Variants in CARMIL2 observed in about 807,000 individuals in gnomAD.
CARMIL2 encodes the protein capping protein, Arp2/3 and myosin-I linker protein 2.
CARMIL2 carries 96 observed loss-of-function variants against 173.3 expected under a neutral mutation model. That is an observed-to-expected ratio of 0.55 (90% CI 0.47 to 0.66). CARMIL2 has a LOEUF of 0.66. CARMIL2 is among the 30% of genes least tolerant of loss of function. The pLI is 0.00. For missense variants in CARMIL2, 1,771 were observed against 1,906.7 expected, an observed-to-expected ratio of 0.93 and a Z score of 1.33; for synonymous variants, 830 against 817.1, an observed-to-expected ratio of 1.02 and a Z score of -0.27.
rs2052739653 is a variant in CARMIL2 at position 67,652,232 on chromosome 16, A to G, written c.2710A>G (p.Met904Val). ...ESLAQQATVT[M>V]PPALPAPDGG... ...TCTGGCTCAGCAGGCAACAGTGACA[A>G]TGCCCCCTGCCCTACCAGCACCGGA... Residue 904 changes from methionine (M) to valine (V), a missense_variant, in exon 27 of 38, where the codon ATG (methionine) becomes GTG (valine). Transcript: ENST00000334583. This position sits in a 1 kb window ranked among gnomAD's most constrained non-coding sequence, Gnocchi z 4.7. 2 of 1,613,126 alleles carry G rather than the reference A, an allele frequency of 1.2e-6. No individual in the cohort carries two copies. The highest frequency in any genetic ancestry group is 1.7e-6 in the Non-Finnish European group (2 of 1,179,838).
Position 67,652,225 on chromosome 16 carries a change from A to C in CARMIL2, c.2703A>C (p.Thr901=). Residue 901 remains threonine, a synonymous_variant, in exon 27 of 38, where the codon ACA becomes ACC. Transcript: ENST00000334583. This position sits in a 1 kb window ranked among gnomAD's most constrained non-coding sequence, Gnocchi z 4.7. ...QLVESLAQQA[T]VTMPPALPAP... ...TGGAGAGTCTGGCTCAGCAGGCAAC[A>C]GTGACAATGCCCCCTGCCCTACCAG... 1.2e-6 allele frequency: 2 copies of C among 1,613,046 alleles called. No individual in the cohort carries two copies. Among genetic ancestry groups the C allele is most frequent in the South Asian group, 2.2e-5 (2 of 91,082 alleles).
In CARMIL2 at chr16:67,651,394, C is replaced by T; in HGVS notation, c.2314-7C>T. On this transcript the variant is annotated splice_region_variant and splice_polypyrimidine_tract_variant and intron_variant, in intron 23 of 37. Transcript: ENST00000334583. The surrounding 1 kb of genome is among the most constrained non-coding windows in gnomAD (Gnocchi z 4.2). ...GCTCGCAACTGCTTTTCCTCTTTGG[C>T]CCTCAGATTCTCCCCATTCTATATG... 1 of 1,592,272 alleles carries T rather than the reference C, an allele frequency of 6.3e-7. No individual in the cohort carries two copies. The highest frequency in any genetic ancestry group is 8.6e-7 in the Non-Finnish European group (1 of 1,166,154).
At position 67,654,631 on chromosome 16, in the gene CARMIL2, C is replaced by A; in HGVS notation, c.3521C>A (p.Ala1174Asp). ...CCTCGCTACACAAGAGATAGCAAGG[C>A]CTACTCGATGATACTGCTGCCTGCC... ...SRPRYTRDSK[A>D]YSMILLPAEE... is the part of the protein sequence containing the mutation. Residue 1174 changes from alanine to aspartate, a missense_variant, in exon 31 of 38, where the codon GCC becomes GAC. This residue lies in a region of CARMIL2 where 817 missense variants were observed against 903.5 expected (regional missense o/e 0.90). Transcript: ENST00000334583. 2 of 1,594,068 alleles carry A rather than the reference C, an allele frequency of 1.3e-6. No homozygotes were observed. The highest frequency in any genetic ancestry group is 1.7e-6 in the Non-Finnish European group (2 of 1,168,916).
At chr16:67,645,811 C>A in intron 3 of CARMIL2, 34 bp downstream of exon 3, 1 of 1,608,024 alleles carries the variant, frequency 6.2e-7, no homozygotes, top group Non-Finnish European at 8.5e-7. Context: ...CCCCCGCCCG[C>A]CAGCAGCTAC....
In CARMIL2 at chr16:67,647,103, A is replaced by AC. The variant is rs1379894379; in HGVS notation, c.612-10dup. The AC allele has an allele frequency of 6.2e-7, 1 of 1,613,164 alleles. No homozygotes were observed. Among genetic ancestry groups the AC allele is most frequent in the South Asian group, 1.1e-5 (1 of 91,052 alleles). The stretch of plus-strand genomic sequence containing the variant: ...GGCCCTGAGCTCTGCCTCTGTTCCC[A>AC]CCCTCCCACCAGGGACCTGGCCTTG... On this transcript the variant is annotated splice_polypyrimidine_tract_variant and intron_variant, in intron 8 of 37. Coordinates refer to ENST00000334583, the MANE Select transcript of CARMIL2 (RefSeq NM_001013838.3).
At chr16:67,650,236 T>C in intron 22 of CARMIL2, 86 bp downstream of exon 22, 1 of 1,161,510 alleles carries the variant, frequency 8.6e-7, no homozygotes, top group South Asian at 1.3e-5. Flanking sequence ...AGGGTCTGAC[T>C]TTCCTGGGGC....
Position 67,654,375 on chromosome 16 carries a change from C to T in CARMIL2, c.3265C>T (p.Pro1089Ser). 1 of 1,605,470 alleles carries T rather than the reference C, an allele frequency of 6.2e-7. No individual in the cohort carries two copies. Among genetic ancestry groups the T allele is most frequent in the South Asian group, 1.1e-5 (1 of 89,526 alleles). ...CCCGGCCACTGAGGGGGGCGCCACT[C>T]CTGTCCCCCGTACACTGCGAAAGAA... ...EDPATEGGATPVPRTLRKKLG... is the reference protein window; with the variant it reads ...EDPATEGGATSVPRTLRKKLG... The change falls in exon 31 of 38, where the codon CCT becomes TCT. Residue 1089 changes from proline (P) to serine (S), a missense_variant. Around this residue, in one of 3 missense-constraint regions of CARMIL2, gnomAD observed 817 missense variants for 903.5 expected, o/e 0.90. Coordinates refer to ENST00000334583, the MANE Select transcript of CARMIL2 (RefSeq NM_001013838.3).
Position 67,657,136 on chromosome 16 carries a change from G to A in CARMIL2, c.4118-103G>A, listed in dbSNP as rs2052878533. On this transcript the variant is annotated intron_variant, in intron 36 of 37. Coordinates refer to ENST00000334583, the MANE Select transcript of CARMIL2 (RefSeq NM_001013838.3). The surrounding 1 kb of genome is among the most constrained non-coding windows in gnomAD (Gnocchi z 4.5). ...GGGGATGCTCTGAAGGCAGCAGTGTGTGTGAGTGCATGCTTATGTGCACTG... is the reference window on the plus strand; with the variant it reads ...GGGGATGCTCTGAAGGCAGCAGTGTATGTGAGTGCATGCTTATGTGCACTG... 1.9e-6 allele frequency: 2 copies of A among 1,036,054 alleles called. No homozygotes were observed. Among genetic ancestry groups the A allele is most frequent in the Admixed American group, 2.1e-5 (1 of 48,752 alleles). The allele number at this position is 1,036,054 out of a possible 1,614,324, so 64.2% of individuals were successfully genotyped here.
At position 67,649,743 on chromosome 16, in the gene CARMIL2, A is replaced by G; in HGVS notation, c.1920-63A>G. 6.3e-7 allele frequency: 1 copy of G among 1,583,148 alleles called. No homozygotes were observed. The highest frequency in any genetic ancestry group is 8.6e-7 in the Non-Finnish European group (1 of 1,163,462). ...AGCAGGCTGACGAGGCGAATGGACT[A>G]GGCCGAGGGTTGGGTGGGGCGTTGG... On this transcript the variant is annotated intron_variant, in intron 20 of 37. Coordinates refer to ENST00000334583, the MANE Select transcript of CARMIL2 (RefSeq NM_001013838.3). The surrounding 1 kb of genome is among the most constrained non-coding windows in gnomAD (Gnocchi z 6.7).
chr16:67,657,017 AC>A lies in CARMIL2; in HGVS notation c.4117+138del. ...TCTCAAGAAATCAGGGAGCCAGAAGACCAGGTGCAAGGGTTTGACAGCAAGC... is the reference window on the plus strand; with the variant it reads ...TCTCAAGAAATCAGGGAGCCAGAAGACAGGTGCAAGGGTTTGACAGCAAGC... On this transcript the variant is annotated intron_variant, in intron 36 of 37. Transcript: ENST00000334583. This position sits in a 1 kb window ranked among gnomAD's most constrained non-coding sequence, Gnocchi z 4.5. 1 of 803,696 alleles carries A rather than the reference AC, an allele frequency of 1.2e-6. No individual in the cohort carries two copies. Among genetic ancestry groups the A allele is most frequent in the Non-Finnish European group, 2.0e-6 (1 of 510,670 alleles). 49.8% of individuals were successfully genotyped at this position (803,696 alleles called of 1,614,324 possible).
intron 32 of CARMIL2, 147 bp from the exon 33 acceptor site, chr16:67,655,884 G>A: frequency 2.5e-6 from 2 of 814,362 alleles, no homozygotes; most frequent in Non-Finnish European, 3.9e-6. Context: ...TGTGCAAAGA[G>A]TTCTAAGAGG....
In CARMIL2 at chr16:67,645,784, C is replaced by G; in HGVS notation, c.186+7C>G. ...CACCTGCCTCCCGCTGAGGGTGAGT[C>G]CCAGGGCCTGGCCACACCCCCGCCC... On this transcript the variant is annotated splice_region_variant and intron_variant, in intron 3 of 37. Coordinates refer to ENST00000334583, the MANE Select transcript of CARMIL2 (RefSeq NM_001013838.3). The G allele has an allele frequency of 6.2e-7, 1 of 1,611,428 alleles. No individual in the cohort carries two copies. Among genetic ancestry groups the G allele is most frequent in the Non-Finnish European group, 8.5e-7 (1 of 1,179,838 alleles).
In CARMIL2 at chr16:67,646,592, G is replaced by GC. The variant is rs1316644740; in HGVS notation, c.466+79dup. 1.3e-6 allele frequency: 2 copies of GC among 1,576,984 alleles called. No homozygotes were observed. Among genetic ancestry groups the GC allele is most frequent in the Non-Finnish European group, 1.7e-6 (2 of 1,150,144 alleles). ...CTCCCCAGACCCGCAAGCTGGGGGG[G>GC]CCCCAAACTGAACAGAGCCATTCAG... is the stretch of plus-strand genomic sequence containing the variant. On this transcript the variant is annotated intron_variant, in intron 6 of 37. Coordinates refer to ENST00000334583, the MANE Select transcript of CARMIL2 (RefSeq NM_001013838.3). This position sits in a 1 kb window ranked among gnomAD's most constrained non-coding sequence, Gnocchi z 4.6.
At chr16:67,650,014 G>T (rs369263440) in intron 21 of CARMIL2, 35 bp from the exon 22 acceptor site, 1 of 1,613,456 alleles carries the variant, frequency 6.2e-7, no homozygotes, top group East Asian at 2.2e-5. Context: ...CGGTAACTCC[G>T]TCCCTCGGCA....
intron 9 of CARMIL2, 27 bp from the exon 10 acceptor site, chr16:67,647,272 C>T (rs757973042): frequency 2.0e-5 from 32 of 1,609,384 alleles, no homozygotes; most frequent in South Asian, 4.4e-5. Context: ...GGGTGCAGCC[C>T]GTGAGCCGCC....
At chr16:67,645,437 G>A (rs1390082103) in intron 1 of CARMIL2, 103 bp from the exon 2 acceptor site, 2 of 1,369,882 alleles carry the variant, frequency 1.5e-6, no homozygotes, top group South Asian at 1.2e-5. Flanking sequence ...CTCCTTCCTC[G>A]CTGGCCGCAG....
chr16:67,657,350 C>T lies in CARMIL2; in HGVS notation c.4195+34C>T, dbSNP rs539047658. ...GGGTCCAGGCCAGCTGGGAGGGTGG[C>T]AGGACTGCTTAGCCCAGCCCTGACC... On this transcript the variant is annotated intron_variant, in intron 37 of 37. Coordinates refer to ENST00000334583, the MANE Select transcript of CARMIL2 (RefSeq NM_001013838.3). The surrounding 1 kb of genome is among the most constrained non-coding windows in gnomAD (Gnocchi z 4.5). 1.2e-4 allele frequency: 201 copies of T among 1,611,386 alleles called. 3 individuals carry two copies. In the South Asian group the frequency reaches 2.1e-3, roughly 17 times the overall value.
chr16:67,656,241 C>T lies in CARMIL2; in HGVS notation c.3756C>T (p.Asp1252=), dbSNP rs752457785. The change falls in exon 34 of 38, where the codon GAC becomes GAT. Residue 1252 remains aspartate, a synonymous_variant. Coordinates refer to ENST00000334583, the MANE Select transcript of CARMIL2 (RefSeq NM_001013838.3). ...KKAGSDGDIM[D]SSTEAPPISI... is the part of the protein sequence containing the mutation. ...TCCGCCTTGCAGGTGACATTATGGA[C>T]AGTTCCACGGAGGCCCCTCCCATCT... 2 of 1,614,010 alleles carry T rather than the reference C, an allele frequency of 1.2e-6. No homozygotes were observed. The highest frequency in any genetic ancestry group is 1.3e-5 in the African/African-American group (1 of 75,052).
chr16:67,657,290 T>G lies in CARMIL2; in HGVS notation c.4169T>G (p.Leu1390Arg), dbSNP rs2052883305. Residue 1390 changes from leucine (L) to arginine (R), a missense_variant, in exon 37 of 38, where the codon CTC (leucine) becomes CGC (arginine). Leu to Arg is a moderately radical substitution (Grantham distance 102). Coordinates refer to ENST00000334583, the MANE Select transcript of CARMIL2 (RefSeq NM_001013838.3). This position sits in a 1 kb window ranked among gnomAD's most constrained non-coding sequence, Gnocchi z 4.5. Reference sequence around the variant, plus strand: ...CCCGTCCTCAAACGCAGGCCAAAACTCGAGGCACCTCCATCCCCAAGCCTA... The same window carrying G: ...CCCGTCCTCAAACGCAGGCCAAAACGCGAGGCACCTCCATCCCCAAGCCTA... ...RSPVLKRRPK[L>R]EAPPSPSLGS... 1 of 1,613,406 alleles carries G rather than the reference T, an allele frequency of 6.2e-7. No homozygotes were observed.
Sources: allele counts gnomAD v4.1 joint callset, GRCh38; gene constraint gnomAD v4.1.1; regional missense constraint gnomAD v4.1.1; non-coding constraint Gnocchi (gnomAD v3.1); transcripts MANE v1.5; gene names NCBI Gene and HGNC (gene_info 2026-07-23, HGNC 2026-07-21).